Variants in SLC8A1 observed in about 807,000 individuals in gnomAD.
The protein encoded by SLC8A1 is sodium/calcium exchanger 1.
A neutral mutation model predicts 68.3 loss-of-function variants in SLC8A1; 18 were observed. The ratio of observed to expected loss-of-function variants is 0.26; its 90% CI spans 0.18 to 0.39. SLC8A1 has a LOEUF of 0.39. SLC8A1 is among the 10% of genes least tolerant of loss of function. The pLI is 1.00. For synonymous variants in SLC8A1, 475 were observed against 415.5 expected, an observed-to-expected ratio of 1.14 and a Z score of -1.74; for missense variants, 985 against 1,156.7, an observed-to-expected ratio of 0.85 and a Z score of 2.15.
rs527420995 is a variant in SLC8A1 at position 40,441,827 on chromosome 2, T to C, written c.-25+10077A>G. On this transcript the variant is annotated intron_variant, in intron 1 of 7. Transcript: ENST00000406785. ...ACCATAAAAACCCTAGAAGAAAACC[T>C]AGGCAATACCATTCAGGGCATGGGT... Among the ~76,000 whole-genome samples the C allele has an allele frequency of 1.3e-4, 20 of 151,970 alleles. No individual in the cohort carries two copies. In the South Asian group the frequency reaches 4.2e-3, roughly 32 times the overall value.
chr2:40,282,012 GCTTCTATC>G (rs1193033419), intron 2 of SLC8A1, among the ~76,000 whole-genome samples: 1 of 152,078 alleles, frequency 6.6e-6, no homozygotes, highest in East Asian at 1.9e-4. Flanking sequence ...TTAGCTACTG[GCTTCTATC>G]CCTTCAGCAC....
chr2:40,386,488 C>T (rs538766572), intron 2 of SLC8A1, among the ~76,000 whole-genome samples: 1 of 148,780 alleles, frequency 6.7e-6, no homozygotes, highest in Non-Finnish European at 1.5e-5. Flanking sequence ...AAAATAAAGC[C>T]TAAAGCTATT....
chr2:40,202,714 C>T (rs888382655), intron 2 of SLC8A1, among the ~76,000 whole-genome samples: 5 of 152,000 alleles, frequency 3.3e-5, no homozygotes, highest in African/African-American at 7.2e-5. Flanking sequence ...GATACCCACA[C>T]AAACAGGGAG....
At chr2:40,418,293 A>G (rs983399287) in intron 2 of SLC8A1, among the ~76,000 whole-genome samples, 10 of 152,172 alleles carry the variant, frequency 6.6e-5, no homozygotes. Context: ...TATTAATATT[A>G]TTCCATTTTA....
chr2:40,438,981 T>C (rs1699993289), intron 1 of SLC8A1, among the ~76,000 whole-genome samples: 1 of 152,110 alleles, frequency 6.6e-6, no homozygotes, highest in Admixed American at 6.6e-5. Context: ...GTGTTTGTTC[T>C]AATATCAGTA....
intron 1 of SLC8A1, among the ~76,000 whole-genome samples, chr2:40,430,721 C>T (rs1698092922): frequency 6.6e-6 from 1 of 152,110 alleles, no homozygotes; most frequent in African/African-American, 2.4e-5. Flanking sequence ...AGCAGATTTT[C>T]TTCTAAATTT....
intron 2 of SLC8A1, among the ~76,000 whole-genome samples, chr2:40,416,587 A>G (rs535403026): frequency 6.6e-6 from 1 of 152,088 alleles, no homozygotes; most frequent in Non-Finnish European, 1.5e-5. Flanking sequence ...AAACCCATAG[A>G]TTATTTACTT....
chr2:40,135,400 A>C (rs757643), intron 7 of SLC8A1, among the ~76,000 whole-genome samples: 143,349 of 152,154 alleles, frequency 0.94, 68,119 homozygotes, highest in East Asian at 1. Context: ...ATGGGCTCAA[A>C]CAAGACACAC....
intron 1 of SLC8A1, among the ~76,000 whole-genome samples, chr2:40,466,673 C>T (rs923327728): frequency 6.6e-6 from 1 of 152,070 alleles, no homozygotes. Context: ...ATTCTTTACC[C>T]TCTTGCATTA....
intron 2 of SLC8A1, among the ~76,000 whole-genome samples, chr2:40,375,003 C>G (rs1019788056): frequency 6.6e-6 from 1 of 152,042 alleles, no homozygotes; most frequent in Non-Finnish European, 1.5e-5. Context: ...AGTAATAAAT[C>G]TTCCATGGAG....
chr2:40,477,531 C>G (rs1281332704), intron 1 of SLC8A1, among the ~76,000 whole-genome samples: 1 of 152,178 alleles, frequency 6.6e-6, no homozygotes, highest in Non-Finnish European at 1.5e-5. Flanking sequence ...ACCCAAATGC[C>G]AAAGACTCTT....
At chr2:40,335,918 C>T (rs1276392336) in intron 2 of SLC8A1, among the ~76,000 whole-genome samples, 1 of 152,216 alleles carries the variant, frequency 6.6e-6, no homozygotes, top group East Asian at 1.9e-4. Context: ...AAGCACTACA[C>T]TGCTAGTTGG....
chr2:40,310,550 G>T (rs976403783), intron 2 of SLC8A1, among the ~76,000 whole-genome samples: 1 of 152,178 alleles, frequency 6.6e-6, no homozygotes. Flanking sequence ...TGTAGCAGCT[G>T]CCCTGACTCA....
At chr2:40,393,241 A>C (rs1478864179) in intron 2 of SLC8A1, among the ~76,000 whole-genome samples, 3 of 152,104 alleles carry the variant, frequency 2.0e-5, no homozygotes, top group Non-Finnish European at 4.4e-5. Flanking sequence ...ATTAGAACAC[A>C]CTTCAAACCT....
chr2:40,289,848 G>A (rs144753681), intron 2 of SLC8A1, among the ~76,000 whole-genome samples: 6 of 151,044 alleles, frequency 4.0e-5, no homozygotes, highest in African/African-American at 9.9e-5. Context: ...GCGACAGAGC[G>A]AGACTCAGTC....
At chr2:40,229,201 G>A (rs1270817632) in intron 2 of SLC8A1, among the ~76,000 whole-genome samples, 2 of 152,156 alleles carry the variant, frequency 1.3e-5, no homozygotes, top group East Asian at 3.9e-4. Flanking sequence ...ACAAAGGGAT[G>A]AAAATTGAGT....
At chr2:40,454,828 C>G (rs764890622), upstream of SLC8A1, among the ~76,000 whole-genome samples, 3 of 152,172 alleles carry the variant, frequency 2.0e-5, no homozygotes, top group African/African-American at 7.2e-5. Context: ...CGAGAATTAT[C>G]AAAGGCTGCA....
intron 2 of SLC8A1, among the ~76,000 whole-genome samples, chr2:40,264,180 C>A (rs1337994976): frequency 6.6e-6 from 1 of 150,432 alleles, no homozygotes; most frequent in African/African-American, 2.4e-5. Context: ...GAATGGCAAT[C>A]ATTAAAAAGT....
At chr2:40,359,523 C>G (rs1278348119) in intron 2 of SLC8A1, among the ~76,000 whole-genome samples, 3 of 152,144 alleles carry the variant, frequency 2.0e-5, no homozygotes, top group Non-Finnish European at 2.9e-5. Flanking sequence ...GAAAAGAGAT[C>G]AAAAGGCACC....
Sources: allele counts gnomAD v4.1 joint callset (sites outside exome capture counted in the v4.1 genomes callset), GRCh38; gene constraint gnomAD v4.1.1; transcripts MANE v1.5; gene names NCBI Gene and HGNC (gene_info 2026-07-23, HGNC 2026-07-21).